Variants in PCDH11X observed in about 807,000 individuals in gnomAD.
The protein encoded by PCDH11X is protocadherin-11 X-linked.
A neutral mutation model predicts 53.3 loss-of-function variants in PCDH11X; 18 were observed. The observed-to-expected ratio is 0.34, with a 90% CI of 0.23 to 0.50. The LOEUF (loss-of-function observed/expected upper bound fraction) is 0.50. Ranked by LOEUF, PCDH11X falls within the 20% of genes least tolerant of loss-of-function variation. The pLI is 0.98. For missense variants in PCDH11X, 570 were observed against 1,032.4 expected (o/e 0.55, Z 6.14); for synonymous variants, 279 against 393.3 (o/e 0.71, Z 3.44).
chrX:92,601,898 T>A (rs1175235331), intron 10 of PCDH11X, among the ~76,000 whole-genome samples: 1 of 111,514 alleles, frequency 9.0e-6, no homozygotes, highest in African/African-American at 3.3e-5. Context: ...GCTTCCAGGA[T>A]TTCTAACTTC....
intron 10 of PCDH11X, among the ~76,000 whole-genome samples, chrX:92,587,143 TC>T (rs1924483866): frequency 9.1e-6 from 1 of 110,257 alleles, no homozygotes; most frequent in Admixed American, 9.7e-5. Flanking sequence ...TTATTTCTTT[TC>T]ATGAGAGTTC....
At chrX:92,125,311 A>G (rs2064841138) in intron 6 of PCDH11X, among the ~76,000 whole-genome samples, 2 of 112,139 alleles carry the variant, frequency 1.8e-5, no homozygotes, top group African/African-American at 6.5e-5. Flanking sequence ...TTAAATTCCT[A>G]TAAAGGTCTC....
intron 8 of PCDH11X, among the ~76,000 whole-genome samples, chrX:92,280,838 A>G (rs2068236164): frequency 9.0e-6 from 1 of 111,297 alleles, no homozygotes; most frequent in East Asian, 2.8e-4. Context: ...TTTACCATTT[A>G]CAGTAGTAAA....
chrX:92,148,053 CCTTCCTTTCTTTCTTTCTTTCTTT>C lies in PCDH11X; in HGVS notation c.3034-53318_3034-53295del, dbSNP rs1426709473. Among the ~76,000 whole-genome samples the C allele has an allele frequency of 2.3e-3, 112 of 49,255 alleles. 10 individuals carry two copies. Among genetic ancestry groups the C allele is most frequent in the African/African-American group, 0.016 (106 of 6,745 alleles). The allele number at this position is 49,255 out of a possible 115,157, so 42.8% of individuals were successfully genotyped here. ...CTTTCCTTCTTTCCCTTCCTTCCTT[CCTTCCTTTCTTTCTTTCTTTCTTT>C]CTTTCTTTCTTTCTTTCTTTCTTTC... On this transcript the variant is annotated intron_variant, in intron 6 of 10. Transcript: ENST00000682573.
At chrX:91,876,300 A>G (rs1487670330) in intron 5 of PCDH11X, among the ~76,000 whole-genome samples, 25 of 110,204 alleles carry the variant, frequency 2.3e-4, no homozygotes, top group Non-Finnish European at 3.8e-5. Flanking sequence ...AAAATCTCAC[A>G]AATCACCACT....
intron 6 of PCDH11X, among the ~76,000 whole-genome samples, chrX:91,984,023 G>C (rs1043438229): frequency 9.5e-6 from 1 of 104,787 alleles, no homozygotes; most frequent in Non-Finnish European, 1.9e-5. Context: ...TTGCTTTTCA[G>C]TTTTTTTACT....
intron 7 of PCDH11X, among the ~76,000 whole-genome samples, chrX:92,242,176 A>T (rs59022136): frequency 0.13 from 14,671 of 109,793 alleles, 1,614 homozygotes; most frequent in African/African-American, 0.36. Flanking sequence ...ACTCATCTTT[A>T]TCTCATTACC....
Position 91,811,225 on chromosome X carries a change from C to T in PCDH11X, c.-103-12C>T. On this transcript the variant is annotated splice_polypyrimidine_tract_variant and intron_variant, in intron 3 of 10. Transcript: ENST00000682573. ...TTTCTTCCCCTCCCTCTTTTTATCCCCCACTCAACAGCTGATTGCAGAGCA... is the reference window on the plus strand; with the variant it reads ...TTTCTTCCCCTCCCTCTTTTTATCCTCCACTCAACAGCTGATTGCAGAGCA... 8.3e-7 allele frequency: 1 copy of T among 1,198,183 alleles called. No homozygotes were observed. Among genetic ancestry groups the T allele is most frequent in the Non-Finnish European group, 1.1e-6 (1 of 889,720 alleles).
chrX:92,525,754 G>A (rs2557120), intron 10 of PCDH11X, among the ~76,000 whole-genome samples: 6 of 110,418 alleles, frequency 5.4e-5, no homozygotes, highest in Admixed American at 1.9e-4. Context: ...ATATTATAAC[G>A]ATATCCTTTC....
At chrX:92,144,622 A>C (rs1603041455) in intron 6 of PCDH11X, among the ~76,000 whole-genome samples, 1 of 111,245 alleles carries the variant, frequency 9.0e-6, no homozygotes, top group African/African-American at 3.3e-5. Flanking sequence ...AGTCTTGGTT[A>C]TGTCTTTATC....
chrX:92,360,943 C>T (rs1328514039), intron 8 of PCDH11X, among the ~76,000 whole-genome samples: 3 of 56,306 alleles, frequency 5.3e-5, no homozygotes, highest in Non-Finnish European at 1.0e-4. Flanking sequence ...GCTCTTGGCA[C>T]CTCTGGGCAG....
rs1488147708 is a variant in PCDH11X at position 92,485,210 on chromosome X, C to T, written c.3367+16888C>T. ...TCAAATTTTTAAGTATAATTAAATT[C>T]AAGTTTTTAAGTATATTTAAAAAGA... On this transcript the variant is annotated intron_variant, in intron 10 of 10. Transcript: ENST00000682573. Among the ~76,000 whole-genome samples the T allele has an allele frequency of 1.9e-3, 206 of 109,926 alleles. 1 individual carries two copies. Among genetic ancestry groups the T allele is most frequent in the African/African-American group, 6.6e-3 (201 of 30,399 alleles).
chrX:92,139,250 TTTTCTTTC>T (rs1308353324), intron 6 of PCDH11X, among the ~76,000 whole-genome samples: 2 of 105,242 alleles, frequency 1.9e-5, no homozygotes, highest in Admixed American at 2.1e-4. Flanking sequence ...GTCTTTTTCT[TTTTCTTTC>T]TTTCTTTCTT....
chrX:92,557,299 T>G (rs1044846547), intron 10 of PCDH11X, among the ~76,000 whole-genome samples: 41 of 111,591 alleles, frequency 3.7e-4, no homozygotes, highest in African/African-American at 1.3e-3. Flanking sequence ...TCCTTTCTAT[T>G]GCATCATGAA....
chrX:91,832,579 C>T (rs1203510055), intron 4 of PCDH11X, among the ~76,000 whole-genome samples: 4 of 104,889 alleles, frequency 3.8e-5, no homozygotes, highest in Admixed American at 2.1e-4. Flanking sequence ...ACCAACATGG[C>T]ACATGTATAC....
chrX:92,209,810 G>C (rs976586520), intron 7 of PCDH11X, among the ~76,000 whole-genome samples: 1 of 112,341 alleles, frequency 8.9e-6, no homozygotes, highest in Non-Finnish European at 1.9e-5. Context: ...TATCTGCCTG[G>C]ACATTGAGGT....
chrX:92,171,640 A>C (rs2065827022), intron 6 of PCDH11X, among the ~76,000 whole-genome samples: 1 of 110,049 alleles, frequency 9.1e-6, no homozygotes, highest in African/African-American at 3.3e-5. Context: ...TTTGTATTTT[A>C]GTAGAGATGG....
At chrX:91,904,393 A>G (rs1941073263) in intron 6 of PCDH11X, among the ~76,000 whole-genome samples, 1 of 109,853 alleles carries the variant, frequency 9.1e-6, no homozygotes. Flanking sequence ...GCATCCAACT[A>G]TGATTGACTG....
At chrX:92,564,899 T>C (rs1347745523) in intron 10 of PCDH11X, among the ~76,000 whole-genome samples, 1 of 110,312 alleles carries the variant, frequency 9.1e-6, no homozygotes, top group Non-Finnish European at 1.9e-5. Context: ...CCAGAATACA[T>C]AAGGAGCTCA....
Sources: gnomAD v4.1 joint callset for allele counts (sites outside exome capture counted in the v4.1 genomes callset) on GRCh38, gnomAD v4.1.1 for gene constraint, MANE v1.5 for transcripts, NCBI Gene and HGNC (gene_info 2026-07-23, HGNC 2026-07-21) for gene names.